The following CAMTA1 variants were observed in gnomAD, a reference collection of about 807,000 sequenced individuals.
CAMTA1 encodes calmodulin binding transcription activator 1.
CAMTA1 carries 27 observed loss-of-function variants against 170.9 expected under a neutral mutation model. The ratio of observed to expected loss-of-function variants is 0.16; its 90% CI spans 0.12 to 0.22. The LOEUF (loss-of-function observed/expected upper bound fraction) is 0.22. Among genes scored for constraint, CAMTA1 ranks in the 10% least tolerant of loss-of-function variants. The pLI is 1.00. For missense variants in CAMTA1, 1,619 were observed against 2,217.2 expected (o/e 0.73, Z 5.42); for synonymous variants, 833 against 891.5 (o/e 0.93, Z 1.17).
At position 7,736,358 on chromosome 1, in the gene CAMTA1, T is replaced by G. The variant is rs770060114; in HGVS notation, c.3081T>G (p.Thr1027=). The change falls in exon 13 of 23, where the codon ACT becomes ACG. Residue 1027 remains threonine, a synonymous_variant. Transcript: ENST00000303635. This position sits in a 1 kb window ranked among gnomAD's most constrained non-coding sequence, Gnocchi z 4.5. ...GGSQAQCASG[T]GALGSCFESR... ...TTTTGTGACAGTGTGCTTCTGGGAC[T>G]GGGGCCTTGGGGAGCTGCTTTGAGA... The G allele has an allele frequency of 1.2e-6, 2 of 1,613,954 alleles. No homozygotes were observed. Among genetic ancestry groups the G allele is most frequent in the African/African-American group, 1.3e-5 (1 of 74,920 alleles).
chr1:6,860,281 CTTCT>C (rs1664176942), intron 3 of CAMTA1, among the ~76,000 whole-genome samples: 1 of 152,070 alleles, frequency 6.6e-6, no homozygotes, highest in Non-Finnish European at 1.5e-5. Flanking sequence ...CCTAGATTTT[CTTCT>C]TTGTTTTGAA....
rs537541256 is a variant in CAMTA1, at chr1:7,487,838, C to T, written c.510+19937C>T. Among the ~76,000 whole-genome samples, 54 of 152,306 alleles carry T rather than the reference C, an allele frequency of 3.5e-4. 1 individual carries two copies. In the South Asian group the frequency reaches 0.011, roughly 30 times the overall value. On this transcript the variant is annotated intron_variant, in intron 6 of 22. Coordinates refer to ENST00000303635, the MANE Select transcript of CAMTA1 (RefSeq NM_015215.4). The stretch of plus-strand genomic sequence containing the variant: ...ACCCTGATCTCCTCCATCCCCTTCC[C>T]CTCTGTCCAGGTTCTTTGCTGTTTC...
chr1:7,327,256 A>T (rs978105710), intron 5 of CAMTA1, among the ~76,000 whole-genome samples: 8 of 151,896 alleles, frequency 5.3e-5, no homozygotes, highest in African/African-American at 1.7e-4. Context: ...TACAAAAAAA[A>T]TTAGCCAGGC....
chr1:7,529,429 C>T (rs887192673), intron 6 of CAMTA1, among the ~76,000 whole-genome samples: 23 of 152,136 alleles, frequency 1.5e-4, no homozygotes, highest in African/African-American at 5.1e-4. Context: ...TGACCCCGTG[C>T]GACAGTACCC....
chr1:6,829,013 T>C (rs1648556681), intron 3 of CAMTA1, among the ~76,000 whole-genome samples: 1 of 151,646 alleles, frequency 6.6e-6, no homozygotes, highest in African/African-American at 2.4e-5. Flanking sequence ...TCTTGTGCTT[T>C]AGCCTCCTGG....
chr1:7,587,091 C>T (rs2095316397), intron 6 of CAMTA1, among the ~76,000 whole-genome samples: 1 of 152,014 alleles, frequency 6.6e-6, no homozygotes, highest in African/African-American at 2.4e-5. Flanking sequence ...TCCTATTCCC[C>T]AGTCATTCTA....
intron 6 of CAMTA1, among the ~76,000 whole-genome samples, chr1:7,553,641 G>A (rs192455847): frequency 1.3e-5 from 2 of 152,382 alleles, no homozygotes; most frequent in Admixed American, 1.3e-4. Flanking sequence ...GGTGCTGAAA[G>A]GTGCTGAGAG....
chr1:7,458,886 C>T lies in CAMTA1; in HGVS notation c.439-8944C>T, dbSNP rs531202349. 6.6e-5 allele frequency among the ~76,000 whole-genome samples: 10 copies of T among 152,382 alleles called. No homozygotes were observed. The South Asian group carries it at 1.7e-3, about 25-fold the overall frequency. On this transcript the variant is annotated intron_variant, in intron 5 of 22. Coordinates refer to ENST00000303635, the MANE Select transcript of CAMTA1 (RefSeq NM_015215.4). ...CAACCCTGGAGGCTGAATCAGACTG[C>T]AATCCATTTAGCTCAAACTCGTTTT...
intron 5 of CAMTA1, among the ~76,000 whole-genome samples, chr1:7,420,346 C>T (rs1312679884): frequency 6.6e-6 from 1 of 152,132 alleles, no homozygotes; most frequent in African/African-American, 2.4e-5. Flanking sequence ...TCTTGTTTTT[C>T]TCCATTGCTT....
intron 5 of CAMTA1, among the ~76,000 whole-genome samples, chr1:7,357,920 C>A (rs2085248631): frequency 6.6e-6 from 1 of 152,208 alleles, no homozygotes; most frequent in Non-Finnish European, 1.5e-5. Context: ...ACAGCATCTT[C>A]CCTAGAAGGC....
intron 6 of CAMTA1, among the ~76,000 whole-genome samples, chr1:7,576,607 A>G (rs2095196512): frequency 6.6e-6 from 1 of 152,172 alleles, no homozygotes; most frequent in Non-Finnish European, 1.5e-5. Flanking sequence ...CAGCCTCCAG[A>G]ACTGGAAATC....
At chr1:7,409,025 C>T (rs2090506033) in intron 5 of CAMTA1, among the ~76,000 whole-genome samples, 1 of 152,220 alleles carries the variant, frequency 6.6e-6, no homozygotes, top group African/African-American at 2.4e-5. Flanking sequence ...GCAGACAACA[C>T]CTAGGCGCTC....
At chr1:7,398,193 C>CTATATATATATATATATA (rs3034829) in intron 5 of CAMTA1, among the ~76,000 whole-genome samples, 9 of 16,898 alleles carry the variant, frequency 5.3e-4, no homozygotes, top group Non-Finnish European at 8.8e-4. Flanking sequence ...CTCTCTCTCT[C>CTATATATATATATATATA]TATATATATA....
At chr1:7,653,241 T>A (rs1482634904) in intron 7 of CAMTA1, among the ~76,000 whole-genome samples, 1 of 151,992 alleles carries the variant, frequency 6.6e-6, no homozygotes, top group Non-Finnish European at 1.5e-5. Flanking sequence ...CTCAGTGGAG[T>A]ACATAGTATT....
intron 7 of CAMTA1, among the ~76,000 whole-genome samples, chr1:7,646,920 C>G (rs2095810615): frequency 6.6e-6 from 1 of 152,190 alleles, no homozygotes; most frequent in South Asian, 2.1e-4. Context: ...TGTTGGTTTT[C>G]CAGGGGCCAG....
chr1:7,606,882 C>A (rs1166082573), intron 6 of CAMTA1, among the ~76,000 whole-genome samples: 5 of 152,174 alleles, frequency 3.3e-5, no homozygotes, highest in East Asian at 1.9e-4. Context: ...CTGCAGGATC[C>A]TTAGATGCTG....
chr1:6,898,709 C>CA (rs1243475164), intron 3 of CAMTA1, among the ~76,000 whole-genome samples: 2 of 152,132 alleles, frequency 1.3e-5, no homozygotes, highest in Non-Finnish European at 2.9e-5. Context: ...GGGATATGCT[C>CA]AGGAAAGATA....
chr1:7,211,910 C>T (rs1327314858), intron 4 of CAMTA1, among the ~76,000 whole-genome samples: 2 of 152,170 alleles, frequency 1.3e-5, no homozygotes, highest in Non-Finnish European at 2.9e-5. Flanking sequence ...GTGATGATAC[C>T]AATTCTAGTC....
intron 5 of CAMTA1, among the ~76,000 whole-genome samples, chr1:7,276,303 A>ATATAATTTTTTTTTTTTT: frequency 1.7e-4 from 4 of 24,234 alleles, no homozygotes; most frequent in African/African-American, 1.2e-3. Context: ...ATATATATAT[A>ATATAATTTTTTTTTTTTT]TTTTTTTTTT....
Sources: gnomAD v4.1 joint callset for allele counts (sites outside exome capture counted in the v4.1 genomes callset) on GRCh38, gnomAD v4.1.1 for gene constraint, Gnocchi (gnomAD v3.1) non-coding constraint, MANE v1.5 for transcripts, NCBI Gene and HGNC (gene_info 2026-07-23, HGNC 2026-07-21) for gene names.